The following ADAM23 variants were observed in gnomAD, a reference collection of about 807,000 sequenced individuals.
ADAM23 encodes ADAM metallopeptidase domain 23, also known as disintegrin and metalloproteinase domain-containing protein 23.
A neutral mutation model predicts 120.1 loss-of-function variants in ADAM23; 33 were observed. The observed-to-expected ratio is 0.27, with a 90% CI of 0.21 to 0.37. The LOEUF is 0.37. Among genes scored for constraint, ADAM23 ranks in the 10% least tolerant of loss-of-function variants. The pLI is 1.00. For missense variants in ADAM23, 862 were observed against 1,058.2 expected, an observed-to-expected ratio of 0.81 and a Z score of 2.57; for synonymous variants, 367 against 375.2, an observed-to-expected ratio of 0.98 and a Z score of 0.25.
rs1697732277 is a variant in ADAM23, at chr2:206,560,099, G to A, written c.1150G>A (p.Asp384Asn). The change falls in exon 11 of 26, where the codon GAT becomes AAT. Residue 384 changes from aspartate to asparagine, a missense_variant. Physicochemically the swap from Asp to Asn is conservative, Grantham distance 23. Transcript: ENST00000264377. ...KYRQRIKQHA[D>N]AVHLISRVTF... Reference sequence around the variant, plus strand: ...CCGGCAGCGCATTAAGCAGCATGCTGATGCTGTGCACCTCATCTCGTACGT... The same window carrying A: ...CCGGCAGCGCATTAAGCAGCATGCTAATGCTGTGCACCTCATCTCGTACGT... 6.2e-7 allele frequency: 1 copy of A among 1,613,850 alleles called. No individual in the cohort carries two copies. Among genetic ancestry groups the A allele is most frequent in the Non-Finnish European group, 8.5e-7 (1 of 1,179,884 alleles).
chr2:206,555,514 C>T (rs1170412521), intron 9 of ADAM23, among the ~76,000 whole-genome samples: 1 of 152,066 alleles, frequency 6.6e-6, no homozygotes, highest in East Asian at 1.9e-4. Context: ...ATTCTTGGCA[C>T]TCTCTAATTT....
intron 22 of ADAM23, 70 bp from the exon 23 acceptor site, chr2:206,594,667 C>T: frequency 1.3e-6 from 2 of 1,573,434 alleles, no homozygotes; most frequent in Non-Finnish European, 1.7e-6. Context: ...TTGTGAAGAG[C>T]AAGCCTCATT....
At chr2:206,579,917 G>A (rs1405071680) in intron 18 of ADAM23, among the ~76,000 whole-genome samples, 4 of 150,026 alleles carry the variant, frequency 2.7e-5, no homozygotes, top group East Asian at 1.9e-4. Flanking sequence ...CAGTGTTTTA[G>A]TATAGAGGTT....
chr2:206,466,886 C>G (rs1413416164), intron 2 of ADAM23, among the ~76,000 whole-genome samples: 1 of 152,172 alleles, frequency 6.6e-6, no homozygotes, highest in East Asian at 1.9e-4. Flanking sequence ...GAAACTTTTA[C>G]TCATGGTGGA....
chr2:206,599,478 A>G (rs1034608068), intron 24 of ADAM23, among the ~76,000 whole-genome samples: 3 of 152,210 alleles, frequency 2.0e-5, no homozygotes, highest in Non-Finnish European at 2.9e-5. Flanking sequence ...TGTAATAGCT[A>G]TCTATATCTT....
At chr2:206,557,248 G>A in intron 9 of ADAM23, among the ~76,000 whole-genome samples, 179 bp from the exon 10 acceptor site, 1 of 152,116 alleles carries the variant, frequency 6.6e-6, no homozygotes, top group East Asian at 1.9e-4. Flanking sequence ...GTTTTAGATA[G>A]TCAGAGTTTT....
chr2:206,443,917 C>T lies in ADAM23; in HGVS notation c.51C>T (p.Ser17=). The change falls in exon 1 of 26, where the codon AGC becomes AGT. Residue 17 remains serine, a synonymous_variant. Transcript: ENST00000264377. ...GGCAGCCGCCCCTGGCGGGCTGCAG[C>T]CTTGCCGGCGCTTCCTGCGGCCCCC... ...SSRQPPLAGC[S]LAGASCGPQR... is the part of the protein sequence containing the mutation. 1 of 1,218,910 alleles carries T rather than the reference C, an allele frequency of 8.2e-7. No homozygotes were observed. Among genetic ancestry groups the T allele is most frequent in the Non-Finnish European group, 1.0e-6 (1 of 982,682 alleles). 75.5% of individuals were successfully genotyped at this position (1,218,910 alleles called of 1,614,324 possible). A position where few individuals can be genotyped will look rare whatever the true frequency, so the allele number is the denominator to read the frequency against.
At chr2:206,486,340 C>CTT (rs757421451) in intron 3 of ADAM23, among the ~76,000 whole-genome samples, 8 of 141,226 alleles carry the variant, frequency 5.7e-5, no homozygotes, top group African/African-American at 1.8e-4. Context: ...CTTGTCTTTC[C>CTT]TTTTTTTTTT....
rs766413905 is a variant in ADAM23, at chr2:206,596,090, T to C, written c.2287T>C (p.Trp763Arg). 6.2e-7 allele frequency: 1 copy of C among 1,614,048 alleles called. No individual in the cohort carries two copies. The highest frequency in any genetic ancestry group is 8.5e-7 in the Non-Finnish European group (1 of 1,179,938). Residue 763 changes from tryptophan (W) to arginine (R), a missense_variant, in exon 24 of 26, where the codon TGG becomes CGG. Physicochemically the swap from Trp to Arg is moderately radical, Grantham distance 101 (BLOSUM62 -3). Around this residue, in one of 4 missense-constraint regions of ADAM23, gnomAD observed 617 missense variants for 813.5 expected, o/e 0.76. Coordinates refer to ENST00000264377, the MANE Select transcript of ADAM23 (RefSeq NM_003812.4). ...NEATCICDFT[W>R]AGTDCSIRDP... ...AGCCACCTGCATTTGTGATTTCACCTGGGCAGGGACAGATTGCAGTATCCG... is the reference window on the plus strand; with the variant it reads ...AGCCACCTGCATTTGTGATTTCACCCGGGCAGGGACAGATTGCAGTATCCG...
intron 10 of ADAM23, among the ~76,000 whole-genome samples, chr2:206,558,352 A>G (rs960663581): frequency 6.6e-6 from 1 of 152,100 alleles, no homozygotes; most frequent in African/African-American, 2.4e-5. Context: ...AAACCCCACC[A>G]TTTTTTATAA....
chr2:206,592,519 A>T (rs138178819), intron 21 of ADAM23, 98 bp from the exon 22 acceptor site: 1 of 1,415,608 alleles, frequency 7.1e-7, no homozygotes, highest in South Asian at 1.4e-5. Context: ...AAGAAAGATA[A>T]TATTTTAAAA....
At chr2:206,572,974 A>G in intron 17 of ADAM23, 141 bp from the exon 18 acceptor site, 2 of 774,618 alleles carry the variant, frequency 2.6e-6, no homozygotes, top group Middle Eastern at 2.4e-4. Context: ...CTGCAATAGG[A>G]TATTCTGTCT....
chr2:206,499,620 C>T (rs1158650378), intron 3 of ADAM23, among the ~76,000 whole-genome samples: 3 of 151,406 alleles, frequency 2.0e-5, no homozygotes, highest in African/African-American at 7.3e-5. Context: ...GCACATGTAC[C>T]CTAAAACTTA....
intron 3 of ADAM23, among the ~76,000 whole-genome samples, chr2:206,511,388 A>G (rs1696619524): frequency 6.6e-6 from 1 of 151,650 alleles, no homozygotes; most frequent in South Asian, 2.1e-4. Context: ...CTTTCTCATT[A>G]TGATTCTTCC....
intron 3 of ADAM23, among the ~76,000 whole-genome samples, chr2:206,507,402 C>T (rs1175954981): frequency 1.3e-5 from 2 of 152,034 alleles, no homozygotes; most frequent in African/African-American, 4.8e-5. Flanking sequence ...TATAAGTATG[C>T]AGCACCACCC....
intron 3 of ADAM23, among the ~76,000 whole-genome samples, chr2:206,499,479 A>T (rs577133288): frequency 1.6e-4 from 18 of 116,042 alleles, no homozygotes; most frequent in African/African-American, 2.3e-4. Context: ...AACATCACAC[A>T]CCAGGGACTG....
intron 2 of ADAM23, among the ~76,000 whole-genome samples, chr2:206,464,365 A>G (rs1442326577): frequency 6.6e-6 from 1 of 152,170 alleles, no homozygotes; most frequent in Non-Finnish European, 1.5e-5. Flanking sequence ...ACCTGAGGTC[A>G]GGAGTTTGAG....
chr2:206,572,903 A>T (rs1009814291), intron 17 of ADAM23, among the ~76,000 whole-genome samples: 4 of 152,226 alleles, frequency 2.6e-5, no homozygotes, highest in Admixed American at 2.6e-4. Flanking sequence ...CTGAACATTT[A>T]AAGCTTTGGT....
At chr2:206,536,471 C>T (rs1198843024) in intron 4 of ADAM23, among the ~76,000 whole-genome samples, 1 of 151,944 alleles carries the variant, frequency 6.6e-6, no homozygotes, top group Non-Finnish European at 1.5e-5. Context: ...AGATGTAGGT[C>T]AGATGGTACA....
Sources: gnomAD v4.1 joint callset for allele counts (sites outside exome capture counted in the v4.1 genomes callset) on GRCh38, gnomAD v4.1.1 for gene constraint, gnomAD v4.1.1 regional missense constraint, MANE v1.5 for transcripts, NCBI Gene and HGNC (gene_info 2026-07-23, HGNC 2026-07-21) for gene names.